ZSWIM5: variants seen among roughly 807,000 people sequenced by gnomAD.
ZSWIM5 encodes the protein zinc finger SWIM-type containing 5.
A neutral mutation model predicts 119.6 loss-of-function variants in ZSWIM5; 55 were observed. The observed-to-expected ratio is 0.46, with a 90% CI of 0.37 to 0.58. ZSWIM5 has a LOEUF of 0.58. Ranked by LOEUF, ZSWIM5 falls within the 20% of genes least tolerant of loss-of-function variation. The pLI is 0.00. For synonymous variants in ZSWIM5, 537 were observed against 606.9 expected, an observed-to-expected ratio of 0.88 and a Z score of 1.69; for missense variants, 1,193 against 1,512.8, an observed-to-expected ratio of 0.79 and a Z score of 3.51.
chr1:45,034,980 G>A (rs543316646), intron 10 of ZSWIM5, among the ~76,000 whole-genome samples: 16 of 152,116 alleles, frequency 1.1e-4, no homozygotes, highest in Non-Finnish European at 1.9e-4. Context: ...TAGAGATGGG[G>A]TTTCACCATG....
At chr1:45,062,128 T>C (rs949211407) in intron 2 of ZSWIM5, among the ~76,000 whole-genome samples, 1 of 152,096 alleles carries the variant, frequency 6.6e-6, no homozygotes, top group Non-Finnish European at 1.5e-5. Context: ...TTAACTGTGG[T>C]CACCATGTAG....
chr1:45,151,489 T>A (rs1350040366), intron 1 of ZSWIM5, among the ~76,000 whole-genome samples: 2 of 152,040 alleles, frequency 1.3e-5, no homozygotes, highest in East Asian at 3.8e-4. Flanking sequence ...AAAGGCACAT[T>A]TTCTATAATT....
chr1:45,148,847 A>T (rs1645778161), intron 1 of ZSWIM5, among the ~76,000 whole-genome samples: 1 of 152,170 alleles, frequency 6.6e-6, no homozygotes, highest in South Asian at 2.1e-4. Context: ...AAATACAGAC[A>T]CTTTTTCTTA....
intron 1 of ZSWIM5, among the ~76,000 whole-genome samples, chr1:45,099,857 C>CTGTTGATGTATTG (rs1645427684): frequency 6.6e-6 from 1 of 151,764 alleles, no homozygotes; most frequent in Non-Finnish European, 1.5e-5. Context: ...AGCCTTCATG[C>CTGTTGATGTATTG]TAAAAACTCT....
rs145201361 is a variant in ZSWIM5 at position 45,166,085 on chromosome 1, T to C, written c.595+39671A>G. Among the ~76,000 whole-genome samples the C allele has an allele frequency of 1.0e-2, 1,519 of 152,196 alleles. 32 individuals carry two copies. Among genetic ancestry groups the C allele is most frequent in the African/African-American group, 0.035 (1,457 of 41,536 alleles). On this transcript the variant is annotated intron_variant, in intron 1 of 13. Coordinates refer to ENST00000359600, the MANE Select transcript of ZSWIM5 (RefSeq NM_020883.2). Reference sequence around the variant, plus strand: ...AATCCTCAATAAAATACTGGCAAACTGAATCCAGCAGCACATCAAAAAGCT... The same window carrying C: ...AATCCTCAATAAAATACTGGCAAACCGAATCCAGCAGCACATCAAAAAGCT...
chr1:45,199,761 CCCTA>C (rs1646148312), intron 1 of ZSWIM5, among the ~76,000 whole-genome samples: 1 of 152,164 alleles, frequency 6.6e-6, no homozygotes, highest in Non-Finnish European at 1.5e-5. Flanking sequence ...ATAACTTCCT[CCCTA>C]CCTAAGGAAG....
chr1:45,058,104 G>C (rs997519421), intron 4 of ZSWIM5, among the ~76,000 whole-genome samples: 9 of 152,156 alleles, frequency 5.9e-5, no homozygotes, highest in Admixed American at 5.9e-4. Context: ...TAACTCAGAT[G>C]AGTAGAAAGA....
chr1:45,113,287 T>C (rs1372318160), intron 1 of ZSWIM5, among the ~76,000 whole-genome samples: 1 of 152,162 alleles, frequency 6.6e-6, no homozygotes, highest in Non-Finnish European at 1.5e-5. Flanking sequence ...AGAGATGATA[T>C]TGAAGAGGTA....
At chr1:45,023,086 A>G (rs906086944) in intron 11 of ZSWIM5, among the ~76,000 whole-genome samples, 3 of 152,234 alleles carry the variant, frequency 2.0e-5, no homozygotes, top group African/African-American at 7.2e-5. Flanking sequence ...ATATGCATAT[A>G]TTATTAACTC....
intron 1 of ZSWIM5, among the ~76,000 whole-genome samples, chr1:45,139,309 T>C (rs1199277760): frequency 2.0e-5 from 3 of 151,616 alleles, no homozygotes; most frequent in Non-Finnish European, 4.4e-5. Flanking sequence ...GCCTCCTTAC[T>C]AGCTGGGACT....
At chr1:45,052,871 T>C (rs1000742807) in intron 4 of ZSWIM5, among the ~76,000 whole-genome samples, 8 of 152,130 alleles carry the variant, frequency 5.3e-5, no homozygotes, top group African/African-American at 1.9e-4. Context: ...CCTGTAATCC[T>C]AGCCCTGTGG....
intron 2 of ZSWIM5, among the ~76,000 whole-genome samples, chr1:45,071,370 G>C (rs571172947): frequency 2.0e-5 from 3 of 149,542 alleles, no homozygotes; most frequent in Admixed American, 2.0e-4. Flanking sequence ...AACATGTGAT[G>C]ATGTTTGTCT....
intron 1 of ZSWIM5, among the ~76,000 whole-genome samples, chr1:45,168,775 T>C (rs1010475145): frequency 6.6e-6 from 1 of 151,914 alleles, no homozygotes; most frequent in South Asian, 2.1e-4. Context: ...TTTAAAAATA[T>C]CTGGTTTCAC....
intron 1 of ZSWIM5, among the ~76,000 whole-genome samples, chr1:45,171,760 A>C (rs1031041426): frequency 4.6e-5 from 7 of 152,110 alleles, no homozygotes; most frequent in African/African-American, 7.2e-5. Context: ...CATCACCATA[A>C]CCAATTTTTA....
chr1:45,195,616 T>C (rs578251360), intron 1 of ZSWIM5, among the ~76,000 whole-genome samples: 2 of 152,274 alleles, frequency 1.3e-5, no homozygotes, highest in South Asian at 2.1e-4. Flanking sequence ...TAAATACAAA[T>C]GTCTTTTGAT....
intron 1 of ZSWIM5, among the ~76,000 whole-genome samples, chr1:45,116,451 A>T (rs2149026142): frequency 6.6e-6 from 1 of 152,264 alleles, no homozygotes; most frequent in African/African-American, 2.4e-5. Flanking sequence ...CCTCCTTACT[A>T]GCAAATGCTT....
At chr1:45,140,246 T>C (rs1179994584) in intron 1 of ZSWIM5, among the ~76,000 whole-genome samples, 2 of 152,232 alleles carry the variant, frequency 1.3e-5, no homozygotes, top group Non-Finnish European at 2.9e-5. Flanking sequence ...TAAAGTTTTA[T>C]TGGGATACAG....
intron 1 of ZSWIM5, among the ~76,000 whole-genome samples, chr1:45,135,659 G>T (rs576176059): frequency 2.0e-4 from 30 of 152,282 alleles, no homozygotes; most frequent in African/African-American, 6.7e-4. Context: ...TAAGATTAGT[G>T]AATTTAATAA....
At chr1:45,174,596 G>T (rs1645967725) in intron 1 of ZSWIM5, among the ~76,000 whole-genome samples, 2 of 150,688 alleles carry the variant, frequency 1.3e-5, no homozygotes, top group African/African-American at 4.9e-5. Context: ...AAAATTAGCT[G>T]GGCATGACAC....
Sources: allele counts gnomAD v4.1 joint callset (sites outside exome capture counted in the v4.1 genomes callset), GRCh38; gene constraint gnomAD v4.1.1; transcripts MANE v1.5; gene names NCBI Gene and HGNC (gene_info 2026-07-23, HGNC 2026-07-21).